Variants in ST18 observed in about 807,000 individuals in gnomAD.
ST18 encodes suppression of tumorigenicity 18 protein.
ST18 carries 50 observed loss-of-function variants against 110.0 expected under a neutral mutation model. The observed-to-expected ratio is 0.45, with a 90% CI of 0.36 to 0.58. ST18 has a LOEUF of 0.58. Among genes scored for constraint, ST18 ranks in the 20% least tolerant of loss-of-function variants. The pLI is 0.00. For synonymous variants in ST18, 461 were observed against 452.4 expected (o/e 1.02, Z -0.24); for missense variants, 1,306 against 1,280.1 (o/e 1.02, Z -0.31).
chr8:52,327,054 G>C (rs1319624529), intron 2 of ST18, among the ~76,000 whole-genome samples: 2 of 152,148 alleles, frequency 1.3e-5, no homozygotes, highest in African/African-American at 4.8e-5. Flanking sequence ...TTGTTACTTG[G>C]TCCACAGTTG....
intron 2 of ST18, among the ~76,000 whole-genome samples, chr8:52,252,879 G>A (rs1449104106): frequency 6.8e-6 from 1 of 146,398 alleles, no homozygotes; most frequent in Non-Finnish European, 1.5e-5. Flanking sequence ...CCAAGCAGAT[G>A]ATATTTGCAA....
intron 9 of ST18, among the ~76,000 whole-genome samples, chr8:52,179,715 C>T (rs1168782148): frequency 6.6e-6 from 1 of 151,892 alleles, no homozygotes; most frequent in Non-Finnish European, 1.5e-5. Flanking sequence ...CACTAATGAA[C>T]ATTATATATA....
Position 52,252,045 on chromosome 8 carries a change from G to A in ST18, c.-464-21968C>T, listed in dbSNP as rs142574266. On this transcript the variant is annotated intron_variant, in intron 2 of 25. Coordinates refer to ENST00000689386, the MANE Select transcript of ST18 (RefSeq NM_001352837.2). ...TTTTTTTGATATGTTTGTTCACATT[G>A]CTCTACTACCATAGAAACTATTTGC... 6.7e-3 allele frequency among the ~76,000 whole-genome samples: 1,012 copies of A among 152,100 alleles called. 10 individuals are homozygous for A. Among genetic ancestry groups the A allele is most frequent in the African/African-American group, 0.023 (961 of 41,510 alleles).
intron 2 of ST18, among the ~76,000 whole-genome samples, chr8:52,347,759 A>T (rs1818409484): frequency 1.3e-5 from 2 of 152,214 alleles, no homozygotes; most frequent in Non-Finnish European, 2.9e-5. Flanking sequence ...GAGATGTTAA[A>T]GAAACTGCCC....
intron 3 of ST18, among the ~76,000 whole-genome samples, chr8:52,229,176 T>C (rs1209166396): frequency 6.6e-6 from 1 of 152,228 alleles, no homozygotes; most frequent in Non-Finnish European, 1.5e-5. Flanking sequence ...CTGCAAAATA[T>C]GTCCCATCTA....
At chr8:52,210,213 G>C (rs191095335) in intron 8 of ST18, 9 of 438,812 alleles carry the variant, frequency 2.1e-5, no homozygotes, top group African/African-American at 1.4e-4. Context: ...TATTCTACAG[G>C]GGACATAAAT....
At chr8:52,202,288 T>C (rs1278380833) in intron 8 of ST18, among the ~76,000 whole-genome samples, 2 of 152,036 alleles carry the variant, frequency 1.3e-5, no homozygotes, top group Non-Finnish European at 2.9e-5. Flanking sequence ...CAAACAGGGG[T>C]AGATAATGTA....
At chr8:52,156,151 C>CCCAGACAGTGA (rs1389597290) in intron 15 of ST18, among the ~76,000 whole-genome samples, 6 of 152,202 alleles carry the variant, frequency 3.9e-5, no homozygotes, top group African/African-American at 1.4e-4. Flanking sequence ...AGGGACAGCT[C>CCCAGACAGTGA]CCAGAGGGTC....
chr8:52,230,907 C>T (rs2091151801), intron 2 of ST18, among the ~76,000 whole-genome samples: 1 of 152,114 alleles, frequency 6.6e-6, no homozygotes, highest in Non-Finnish European at 1.5e-5. Context: ...GAAGGATAGC[C>T]TCAAAAGTTT....
chr8:52,129,813 G>A (rs890767380), intron 22 of ST18, among the ~76,000 whole-genome samples: 8 of 152,102 alleles, frequency 5.3e-5, no homozygotes, highest in Non-Finnish European at 1.0e-4. Flanking sequence ...GGGAGGCCAA[G>A]GTGGGCAGAT....
At position 52,118,317 on chromosome 8, in the gene ST18, T is replaced by G. The variant is rs762718413; in HGVS notation, c.2859+21A>C. 4.7e-6 allele frequency: 7 copies of G among 1,495,654 alleles called. No individual in the cohort carries two copies. The Admixed American group carries it at 5.5e-5, about 12-fold the overall frequency. 92.6% of individuals were successfully genotyped at this position (1,495,654 alleles called of 1,614,324 possible). A position where few individuals can be genotyped will look rare whatever the true frequency, so the allele number is the denominator to read the frequency against. Reference sequence around the variant, plus strand: ...AAGATTATGATTACATTAAGGATCATGAATTACTTCTTTTTTTTACCTGGG... The same window carrying G: ...AAGATTATGATTACATTAAGGATCAGGAATTACTTCTTTTTTTTACCTGGG... On this transcript the variant is annotated intron_variant, in intron 24 of 25. Coordinates refer to ENST00000689386, the MANE Select transcript of ST18 (RefSeq NM_001352837.2).
At chr8:52,303,292 A>G (rs555648505) in intron 2 of ST18, among the ~76,000 whole-genome samples, 1 of 152,322 alleles carries the variant, frequency 6.6e-6, no homozygotes, top group African/African-American at 2.4e-5. Flanking sequence ...TCCCTTGCAG[A>G]TGCATCCCTC....
chr8:52,113,531 G>C (rs2041228556), intron 25 of ST18, among the ~76,000 whole-genome samples, 193 bp from the exon 26 acceptor site: 2 of 152,178 alleles, frequency 1.3e-5, no homozygotes, highest in Admixed American at 6.5e-5. Context: ...TAATTCAGGA[G>C]ACGAATATGA....
chr8:52,244,086 C>T (rs532981589), intron 2 of ST18, among the ~76,000 whole-genome samples: 52 of 152,174 alleles, frequency 3.4e-4, no homozygotes, highest in African/African-American at 1.0e-3. Flanking sequence ...AAGAAACATT[C>T]CCAAGGAAGT....
chr8:52,333,300 TAA>T (rs35596796), intron 2 of ST18, among the ~76,000 whole-genome samples: 21,099 of 142,458 alleles, frequency 0.15, 1,605 homozygotes, highest in African/African-American at 0.22. Context: ...CATTTTCTAT[TAA>T]AAAAAAAAAA....
chr8:52,262,241 C>G (rs901008797), intron 2 of ST18, among the ~76,000 whole-genome samples: 2 of 152,188 alleles, frequency 1.3e-5, no homozygotes, highest in African/African-American at 4.8e-5. Context: ...ATCCAATTGC[C>G]TCTCAAAGGC....
chr8:52,161,387 G>A lies in ST18; in HGVS notation c.1582C>T (p.Pro528Ser), dbSNP rs562694695. ...IQTVQGRKTP[P>S]FPESKHFPNP... Reference sequence around the variant, plus strand: ...GCTCAAAGCTTACATTCAGGAAATGGTGGTGTTTTTCGTCCTTGCACTGTT... The same window carrying A: ...GCTCAAAGCTTACATTCAGGAAATGATGGTGTTTTTCGTCCTTGCACTGTT... The change falls in exon 14 of 26, where the codon CCA (proline) becomes TCA (serine). Residue 528 changes from proline to serine, a missense_variant. By Grantham distance (74) the Pro-to-Ser change is moderately conservative. Coordinates refer to ENST00000689386, the MANE Select transcript of ST18 (RefSeq NM_001352837.2). 1 of 1,613,810 alleles carries A rather than the reference G, an allele frequency of 6.2e-7. No individual in the cohort carries two copies. The highest frequency in any genetic ancestry group is 1.1e-5 in the South Asian group (1 of 91,018).
intron 8 of ST18, among the ~76,000 whole-genome samples, chr8:52,201,938 T>C (rs1409995584): frequency 6.6e-6 from 1 of 152,198 alleles, no homozygotes; most frequent in Non-Finnish European, 1.5e-5. Flanking sequence ...TGATAAAATA[T>C]ACTTATAAAG....
chr8:52,241,799 A>C (rs2093430297), intron 2 of ST18, among the ~76,000 whole-genome samples: 1 of 152,230 alleles, frequency 6.6e-6, no homozygotes, highest in South Asian at 2.1e-4. Context: ...AGCTGAAATA[A>C]AATATTTTAA....
Sources: allele counts gnomAD v4.1 joint callset (sites outside exome capture counted in the v4.1 genomes callset), GRCh38; gene constraint gnomAD v4.1.1; transcripts MANE v1.5; gene names NCBI Gene and HGNC (gene_info 2026-07-23, HGNC 2026-07-21).